The following CAPN3 variants were observed in gnomAD, a reference collection of about 807,000 sequenced individuals.
CAPN3 encodes calpain-3.
A neutral mutation model predicts 114.0 loss-of-function variants in CAPN3; 88 were observed. That is an observed-to-expected ratio of 0.77 (90% CI 0.65 to 0.92). The LOEUF is 0.92. Among genes scored for constraint, CAPN3 ranks in the 40% least tolerant of loss-of-function variants. CAPN3 has a pLI of 0.00. For missense variants in CAPN3, 1,028 were observed against 1,069.0 expected (o/e 0.96, Z 0.53); for synonymous variants, 386 against 382.9 (o/e 1.01, Z -0.09).
chr15:42,363,893 C>T (rs375671875), intron 1 of CAPN3, among the ~76,000 whole-genome samples: 1 of 152,192 alleles, frequency 6.6e-6, no homozygotes, highest in Admixed American at 6.5e-5. Context: ...GGATTTAAAC[C>T]CACACAATCT....
chr15:42,409,148 A>G (rs1309896275), intron 16 of CAPN3, 155 bp from the exon 17 acceptor site: 1 of 698,482 alleles, frequency 1.4e-6, no homozygotes. Context: ...GATGCATCTC[A>G]CTCCAGCTCA....
chr15:42,382,180 T>G (rs1036389735), intron 1 of CAPN3, among the ~76,000 whole-genome samples: 3 of 152,154 alleles, frequency 2.0e-5, no homozygotes, highest in African/African-American at 7.2e-5. Context: ...TAAAAGTCAC[T>G]TGTTCTTTCT....
chr15:42,364,262 C>T (rs2052723793), intron 1 of CAPN3, among the ~76,000 whole-genome samples: 1 of 152,214 alleles, frequency 6.6e-6, no homozygotes, highest in African/African-American at 2.4e-5. Context: ...CATTTTGCCA[C>T]AGGTTCTCCA....
At chr15:42,390,790 G>GTTTTTTTTTTTTTTTTTTTTTT (rs373599109) in intron 6 of CAPN3, among the ~76,000 whole-genome samples, 7 of 110,284 alleles carry the variant, frequency 6.3e-5, no homozygotes, top group Non-Finnish European at 1.4e-4. Context: ...TTGTTTTTTT[G>GTTTTTTTTTTTTTTTTTTTTTT]TTTTTTTTTT....
intron 7 of CAPN3, 107 bp from the exon 8 acceptor site, chr15:42,394,149 C>A: frequency 9.8e-7 from 1 of 1,019,002 alleles, no homozygotes; most frequent in Non-Finnish European, 1.5e-6. Flanking sequence ...GCAGAACACC[C>A]TCGCGTAAGA....
intron 6 of CAPN3, 81 bp from the exon 7 acceptor site, chr15:42,392,558 G>T (rs1400669727): frequency 9.4e-7 from 1 of 1,060,920 alleles, no homozygotes; most frequent in Non-Finnish European, 1.4e-6. Flanking sequence ...CCCGGAAAAT[G>T]AACTAGTATG....
At chr15:42,394,169 C>T in intron 7 of CAPN3, 87 bp from the exon 8 acceptor site, 1 of 1,264,918 alleles carries the variant, frequency 7.9e-7, no homozygotes, top group Non-Finnish European at 1.1e-6. Context: ...AGATTTGCCC[C>T]CCAGCCCCGT....
Position 42,410,623 on chromosome 15 carries a change from C to G in CAPN3, c.2220C>G (p.Gly740=), listed in dbSNP as rs2054186570. ...IFKHYDTDQS[G]TINSYEMRNA... is the part of the protein sequence containing the mutation. ...AACACTATGACACAGACCAGTCCGG[C>G]ACCATCAACAGCTACGAGATGCGAA... Residue 740 remains glycine, a synonymous_variant, in exon 21 of 24, where the codon GGC becomes GGG. Transcript: ENST00000397163. 7 of 1,613,940 alleles carry G rather than the reference C, an allele frequency of 4.3e-6. No homozygotes were observed. The highest frequency in any genetic ancestry group is 5.9e-6 in the Non-Finnish European group (7 of 1,179,976).
At position 42,405,997 on chromosome 15, in the gene CAPN3, C is replaced by T. The variant is rs1015670156; in HGVS notation, c.1800+54C>T. On this transcript the variant is annotated intron_variant, in intron 15 of 23. Coordinates refer to ENST00000397163, the MANE Select transcript of CAPN3 (RefSeq NM_000070.3). ...GTGTGTACTCATGCATATGTATGTG[C>T]ATGCATGTGAAGTGTGCATGTGTGA... The T allele has an allele frequency of 5.0e-5, 74 of 1,492,142 alleles. No homozygotes were observed. In the Middle Eastern group the frequency reaches 2.2e-3, roughly 45 times the overall value. The allele number at this position is 1,492,142 out of a possible 1,614,324, so 92.4% of individuals were successfully genotyped here. A position where few individuals can be genotyped will look rare whatever the true frequency, so the allele number is the denominator to read the frequency against.
At chr15:42,404,344 C>G (rs774315634) in intron 14 of CAPN3, 1 of 456,484 alleles carries the variant, frequency 2.2e-6, no homozygotes, top group South Asian at 1.5e-5. Flanking sequence ...AACAGAGGTG[C>G]TTTTTCACAC....
At chr15:42,395,526 A>G (rs1186842569) in intron 8 of CAPN3, among the ~76,000 whole-genome samples, 1 of 152,142 alleles carries the variant, frequency 6.6e-6, no homozygotes. Context: ...GGGGAGGCGT[A>G]GAGAAAGGTT....
chr15:42,363,644 T>C (rs728508), intron 1 of CAPN3, among the ~76,000 whole-genome samples: 5,770 of 152,300 alleles, frequency 0.038, 335 homozygotes, highest in African/African-American at 0.12. Flanking sequence ...TGGGGAGTCA[T>C]GCAGGAGTCC....
intron 7 of CAPN3, among the ~76,000 whole-genome samples, chr15:42,393,136 C>T (rs1019172705): frequency 5.7e-4 from 86 of 152,154 alleles, no homozygotes; most frequent in African/African-American, 1.9e-3. Flanking sequence ...ATGCTCAAGT[C>T]CCTTCTGTAA....
At chr15:42,369,121 C>T (rs908073877) in intron 1 of CAPN3, among the ~76,000 whole-genome samples, 1 of 152,058 alleles carries the variant, frequency 6.6e-6, no homozygotes, top group Non-Finnish European at 1.5e-5. Context: ...TGGAATGTTT[C>T]TGTGTGGAGG....
In CAPN3 at chr15:42,403,840, G is replaced by T. The variant is rs1193682487; in HGVS notation, c.1782+63G>T. 145 of 1,417,108 alleles carry T rather than the reference G, an allele frequency of 1.0e-4. 1 individual carries two copies. The highest frequency in any genetic ancestry group is 1.3e-5 in the Non-Finnish European group (13 of 1,000,982). 87.8% of individuals were successfully genotyped at this position (1,417,108 alleles called of 1,614,324 possible). A position where few individuals can be genotyped will look rare whatever the true frequency, so the allele number is the denominator to read the frequency against. On this transcript the variant is annotated intron_variant, in intron 14 of 23. Transcript: ENST00000397163. Reference sequence around the variant, plus strand: ...GGTCCCCTTCCCTGACCATGCAGGGGACAGATGGTGCAGGGGAGAATGGGC... The same window carrying T: ...GGTCCCCTTCCCTGACCATGCAGGGTACAGATGGTGCAGGGGAGAATGGGC...
intron 1 of CAPN3, among the ~76,000 whole-genome samples, chr15:42,369,830 C>T (rs1301198559): frequency 6.6e-6 from 1 of 151,572 alleles, no homozygotes; most frequent in Non-Finnish European, 1.5e-5. Flanking sequence ...CCAACTTCCC[C>T]AGCACTTGGC....
chr15:42,387,273 A>G (rs981144328), intron 3 of CAPN3, among the ~76,000 whole-genome samples: 1 of 152,216 alleles, frequency 6.6e-6, no homozygotes, highest in African/African-American at 2.4e-5. Context: ...TACAGCTAGA[A>G]TAGATTCTGG....
At chr15:42,409,130 GA>G (rs1213555915) in intron 16 of CAPN3, 172 bp from the exon 17 acceptor site, 1 of 666,720 alleles carries the variant, frequency 1.5e-6, no homozygotes, top group Non-Finnish European at 2.8e-6. Flanking sequence ...AAGAGTCCCT[GA>G]GGCCTCGATG....
chr15:42,359,798 C>T lies in CAPN3; in HGVS notation c.-8C>T. On this transcript the variant is annotated 5_prime_UTR_variant, in exon 1 of 24. Transcript: ENST00000397163. ...TTTAAAAAGCTTTTTCTTCCAAAGCCACTTGCCATGCCGACCGTCATTAGC... is the reference window on the plus strand; with the variant it reads ...TTTAAAAAGCTTTTTCTTCCAAAGCTACTTGCCATGCCGACCGTCATTAGC... 6.2e-7 allele frequency: 1 copy of T among 1,613,156 alleles called. No individual in the cohort carries two copies. Among genetic ancestry groups the T allele is most frequent in the Non-Finnish European group, 8.5e-7 (1 of 1,180,018 alleles).
Sources: gnomAD v4.1 joint callset for allele counts (sites outside exome capture counted in the v4.1 genomes callset) on GRCh38, gnomAD v4.1.1 for gene constraint, MANE v1.5 for transcripts, NCBI Gene and HGNC (gene_info 2026-07-23, HGNC 2026-07-21) for gene names.